The following GABRB3 variants were observed in gnomAD, a reference collection of about 807,000 sequenced individuals.
GABRB3 encodes gamma-aminobutyric acid type A receptor subunit beta3.
In GABRB3, 14 loss-of-function variants were observed where a neutral mutation model predicts 52.1. The observed-to-expected ratio is 0.27, with a 90% CI of 0.18 to 0.42. GABRB3 has a LOEUF of 0.42. Among genes scored for constraint, GABRB3 ranks in the 10% least tolerant of loss-of-function variants. The pLI is 1.00. For missense variants in GABRB3, 307 were observed against 609.1 expected (o/e 0.50, Z 5.22); for synonymous variants, 260 against 232.3 (o/e 1.12, Z -1.08).
upstream of GABRB3, chr15:26,773,592 G>A (rs533875207): frequency 1.2e-4 from 168 of 1,452,642 alleles, no homozygotes; most frequent in African/African-American, 2.1e-3. Context: ...GCCGGACTGC[G>A]GGCCGCCGCC....
At chr15:26,682,903 G>C (rs1888283032) in intron 3 of GABRB3, among the ~76,000 whole-genome samples, 1 of 152,188 alleles carries the variant, frequency 6.6e-6, no homozygotes, top group African/African-American at 2.4e-5. Context: ...ACTCAGCCTG[G>C]AGCCCAAAGA....
chr15:26,641,214 C>G (rs1893191833), intron 3 of GABRB3, among the ~76,000 whole-genome samples: 2 of 152,210 alleles, frequency 1.3e-5, no homozygotes, highest in Admixed American at 6.5e-5. Context: ...TTATGAATGA[C>G]AGCCTGCAAT....
chr15:26,663,099 A>G (rs1486856405), intron 3 of GABRB3, among the ~76,000 whole-genome samples: 1 of 152,014 alleles, frequency 6.6e-6, no homozygotes, highest in Non-Finnish European at 1.5e-5. Context: ...GTGCAATCTC[A>G]TCACATGTAT....
intron 4 of GABRB3, among the ~76,000 whole-genome samples, chr15:26,605,815 C>T (rs1479926646): frequency 1.3e-5 from 2 of 152,034 alleles, no homozygotes; most frequent in Admixed American, 1.3e-4. Flanking sequence ...TTAGTCAGTT[C>T]TTGCATTGTT....
intron 4 of GABRB3, among the ~76,000 whole-genome samples, chr15:26,592,566 A>T (rs186823192): frequency 1.6e-4 from 25 of 152,356 alleles, no homozygotes; most frequent in Admixed American, 1.6e-3. Flanking sequence ...AAATGAAGGC[A>T]CAGACAGAGA....
Position 26,669,904 on chromosome 15 carries a change from G to A in GABRB3, c.241-48370C>T, listed in dbSNP as rs1188808909. On this transcript the variant is annotated intron_variant, in intron 3 of 8. Coordinates refer to ENST00000311550, the MANE Select transcript of GABRB3 (RefSeq NM_000814.6). ...TCCTGTGATTCCCTTTCTCAGGATT[G>A]GGTGCCACTGCCTTTTGGGCATTCT... is the stretch of plus-strand genomic sequence containing the variant. 2.0e-5 allele frequency among the ~76,000 whole-genome samples: 3 copies of A among 152,150 alleles called. No homozygotes were observed. In the East Asian group the frequency reaches 5.8e-4, roughly 29 times the overall value.
At chr15:26,576,544 A>G (rs2140721088) in intron 6 of GABRB3, among the ~76,000 whole-genome samples, 1 of 152,338 alleles carries the variant, frequency 6.6e-6, no homozygotes, top group East Asian at 1.9e-4. Flanking sequence ...AAAAATGGAC[A>G]GAATTTAAAT....
At chr15:26,674,425 A>AGG (rs1373417190) in intron 3 of GABRB3, among the ~76,000 whole-genome samples, 8 of 132,948 alleles carry the variant, frequency 6.0e-5, no homozygotes, top group East Asian at 6.0e-4. Flanking sequence ...AAAAAAAGAA[A>AGG]AGAAAAGAAA....
At chr15:26,754,409 C>A (rs1235836726) in intron 3 of GABRB3, among the ~76,000 whole-genome samples, 1 of 152,108 alleles carries the variant, frequency 6.6e-6, no homozygotes, top group Admixed American at 6.5e-5. Context: ...CAGATTTCAC[C>A]AAGGTGCTGC....
At chr15:26,674,504 A>AG (rs901769234) in intron 3 of GABRB3, among the ~76,000 whole-genome samples, 2 of 151,050 alleles carry the variant, frequency 1.3e-5, no homozygotes, top group Admixed American at 1.3e-4. Context: ...GAAAAGGAAA[A>AG]GGAAAAAAAA....
At chr15:26,646,717 T>C (rs1416308048) in intron 3 of GABRB3, among the ~76,000 whole-genome samples, 1 of 152,232 alleles carries the variant, frequency 6.6e-6, no homozygotes, top group Non-Finnish European at 1.5e-5. Context: ...TATTATTTTC[T>C]GTTTTTTAAA....
chr15:26,680,890 A>T (rs1236349655), intron 3 of GABRB3, among the ~76,000 whole-genome samples: 2 of 152,186 alleles, frequency 1.3e-5, no homozygotes, highest in Admixed American at 6.5e-5. Context: ...TTCTTACTGA[A>T]TAACTATCCT....
At chr15:26,668,982 T>C (rs1887802959) in intron 3 of GABRB3, among the ~76,000 whole-genome samples, 1 of 152,180 alleles carries the variant, frequency 6.6e-6, no homozygotes, top group African/African-American at 2.4e-5. Flanking sequence ...AGGATGACTA[T>C]GCATCCAGAT....
chr15:26,554,220 G>T (rs1373853729), intron 8 of GABRB3, among the ~76,000 whole-genome samples: 1 of 43,090 alleles, frequency 2.3e-5, no homozygotes. Context: ...GTAGAAACAA[G>T]GTCTCTCTTT....
chr15:26,749,435 A>C (rs376277752), intron 3 of GABRB3, among the ~76,000 whole-genome samples: 4 of 152,216 alleles, frequency 2.6e-5, no homozygotes, highest in South Asian at 4.1e-4. Context: ...TTTAAGACTC[A>C]TGGTATGGTT....
chr15:26,554,153 T>C (rs1219308109), intron 8 of GABRB3, among the ~76,000 whole-genome samples: 21 of 49,958 alleles, frequency 4.2e-4, no homozygotes, highest in African/African-American at 2.2e-3. Context: ...AGTATATATA[T>C]ATATAAAGTA....
rs1255760585 is a variant in GABRB3, at chr15:26,547,330, G to A, written c.*463C>T. On this transcript the variant is annotated 3_prime_UTR_variant, in exon 9 of 9. Coordinates refer to ENST00000311550, the MANE Select transcript of GABRB3 (RefSeq NM_000814.6). ...CAATACCACTGTATGAGTTTTCAAA[G>A]ATTAACTAAGAATGTCTTTCTGATT... The A allele has an allele frequency of 2.4e-6, 1 of 408,690 alleles. No individual in the cohort carries two copies. The highest frequency in any genetic ancestry group is 4.3e-6 in the Non-Finnish European group (1 of 231,834). The allele number at this position is 408,690 out of a possible 1,614,324, so 25.3% of individuals were successfully genotyped here.
chr15:26,602,950 C>A (rs1232680885), intron 4 of GABRB3, among the ~76,000 whole-genome samples: 3 of 151,172 alleles, frequency 2.0e-5, no homozygotes, highest in Admixed American at 2.0e-4. Context: ...ATGAAGAAAG[C>A]AATACAAAAG....
chr15:26,662,286 A>G (rs1022466218), intron 3 of GABRB3, among the ~76,000 whole-genome samples: 1 of 152,216 alleles, frequency 6.6e-6, no homozygotes, highest in Non-Finnish European at 1.5e-5. Context: ...GCTTTCAAAG[A>G]TAGCTCTAAA....
Sources: allele counts gnomAD v4.1 joint callset (sites outside exome capture counted in the v4.1 genomes callset), GRCh38; gene constraint gnomAD v4.1.1; transcripts MANE v1.5; gene names NCBI Gene and HGNC (gene_info 2026-07-23, HGNC 2026-07-21).